The following NFE2L1 variants were observed in gnomAD, a reference collection of about 807,000 sequenced individuals.
NFE2L1 encodes the protein endoplasmic reticulum membrane sensor NFE2L1.
In NFE2L1, 18 loss-of-function variants were observed where a neutral mutation model predicts 61.6. The ratio of observed to expected loss-of-function variants is 0.29; its 90% CI spans 0.20 to 0.43. The LOEUF is 0.43. NFE2L1 is among the 20% of genes least tolerant of loss of function. The probability of loss-of-function intolerance (pLI) is 1.00; values close to 1 mark genes in which losing one functional copy is unlikely to be tolerated. For missense variants in NFE2L1, 827 were observed against 973.5 expected (o/e 0.85, Z 2.00); for synonymous variants, 419 against 402.7 (o/e 1.04, Z -0.48).
chr17:48,056,945 C>T (rs2037417220), intron 3 of NFE2L1, 87 bp from the exon 4 acceptor site: 10 of 1,353,300 alleles, frequency 7.4e-6, no homozygotes, highest in Middle Eastern at 3.7e-4. Context: ...AGGGAGACTG[C>T]AGGGCTTCAG....
rs1244683478 is a variant in NFE2L1, at chr17:48,056,575, A to T, written c.700A>T (p.Thr234Ser). Reference sequence around the variant, plus strand: ...ACGGAACCTGCTAGTGGATGGAGAGACTGGGGAGAGCTTCCCTGCACAGGT... The same window carrying T: ...ACGGAACCTGCTAGTGGATGGAGAGTCTGGGGAGAGCTTCCCTGCACAGGT... ...LARNLLVDGE[T>S]GESFPAQVPS... The change falls in exon 3 of 6, where the codon ACT becomes TCT. Residue 234 changes from threonine (T) to serine (S), a missense_variant. Transcript: ENST00000362042. 4 of 1,613,154 alleles carry T rather than the reference A, an allele frequency of 2.5e-6. No homozygotes were observed. Among genetic ancestry groups the T allele is most frequent in the Admixed American group, 3.3e-5 (2 of 59,980 alleles).
At chr17:48,054,872 G>T in intron 2 of NFE2L1, 1 of 1,354,544 alleles carries the variant, frequency 7.4e-7, no homozygotes, top group East Asian at 3.1e-5. Context: ...CCAGGCAGCA[G>T]CACGGGCGGG....
rs2037474562 is a variant in NFE2L1 at position 48,058,860 on chromosome 17, C to T, written c.1538C>T (p.Ser513Phe). ...SSSSSSSASS[S>F]ASSSFSEEGA... Reference sequence around the variant, plus strand: ...TCCTCTTCTTCCTCTGCTTCTTCCTCTGCCTCTTCCTCCTTTTCTGAGGAA... The same window carrying T: ...TCCTCTTCTTCCTCTGCTTCTTCCTTTGCCTCTTCCTCCTTTTCTGAGGAA... The change falls in exon 6 of 6, where the codon TCT becomes TTT. Residue 513 changes from serine to phenylalanine, a missense_variant. By Grantham distance (155) the Ser-to-Phe change is radical. This residue lies in a region of NFE2L1 where 667 missense variants were observed against 748.4 expected (regional missense o/e 0.89). Transcript: ENST00000362042. 6.2e-7 allele frequency: 1 copy of T among 1,613,812 alleles called. No individual in the cohort carries two copies. Among genetic ancestry groups the T allele is most frequent in the Non-Finnish European group, 8.5e-7 (1 of 1,180,026 alleles).
intron 3 of NFE2L1, 31 bp from the exon 4 acceptor site, chr17:48,057,001 T>G: frequency 6.2e-7 from 1 of 1,611,276 alleles, no homozygotes; most frequent in East Asian, 2.2e-5. Flanking sequence ...AAGGCCCAGG[T>G]CAATCAGACT....
intron 2 of NFE2L1, among the ~76,000 whole-genome samples, chr17:48,055,639 G>A (rs2037382763): frequency 1.3e-5 from 2 of 152,018 alleles, no homozygotes; most frequent in African/African-American, 4.8e-5. Context: ...CAGGGGGTGG[G>A]GTGCACCCCT....
chr17:48,052,267 A>G (rs1240479307), intron 2 of NFE2L1, among the ~76,000 whole-genome samples: 1 of 152,250 alleles, frequency 6.6e-6, no homozygotes, highest in Non-Finnish European at 1.5e-5. Flanking sequence ...TTGAGCTGTC[A>G]GAAGAGATCC....
chr17:48,058,546 C>T lies in NFE2L1; in HGVS notation c.1224C>T (p.Phe408=), dbSNP rs761473602. 6.8e-6 allele frequency: 11 copies of T among 1,613,500 alleles called. No individual in the cohort carries two copies. Among genetic ancestry groups the T allele is most frequent in the African/African-American group, 1.3e-5 (1 of 75,056 alleles). The change falls in exon 6 of 6, where the codon TTC becomes TTT. Residue 408 remains phenylalanine (F), a synonymous_variant. Transcript: ENST00000362042. ...ATTCTACCAGCCTCAACTCCACCTT[C>T]GGCTCCACCAACCTGACAGGGCTCT... The part of the protein sequence containing the change: ...PSNSTSLNST[F]GSTNLTGLFF...
Position 48,051,534 on chromosome 17 carries a change from G to A in NFE2L1, c.416G>A (p.Gly139Glu), listed in dbSNP as rs748499307. 2 of 1,614,236 alleles carry A rather than the reference G, an allele frequency of 1.2e-6. No homozygotes were observed. Among genetic ancestry groups the A allele is most frequent in the South Asian group, 1.1e-5 (1 of 91,086 alleles). The change falls in exon 2 of 6, where the codon GGG becomes GAG. Residue 139 changes from glycine (G) to glutamate (E), a missense_variant. Physicochemically the swap from Gly to Glu is moderately conservative, Grantham distance 98 (BLOSUM62 -2). Transcript: ENST00000362042. ...GLQDVTGPDN[G>E]VRESETEQGF... ...CAAGATGTGACAGGCCCAGACAACGGGGTGCGAGAAAGCGAAACGGAGCAG... is the reference window on the plus strand; with the variant it reads ...CAAGATGTGACAGGCCCAGACAACGAGGTGCGAGAAAGCGAAACGGAGCAG...
chr17:48,057,557 G>T, intron 5 of NFE2L1, 55 bp downstream of exon 5: 1 of 1,556,074 alleles, frequency 6.4e-7, no homozygotes, highest in Admixed American at 1.9e-5. Flanking sequence ...GATTGTCTTA[G>T]CACTCAGTTG....
intron 1 of NFE2L1, among the ~76,000 whole-genome samples, chr17:48,049,426 CTT>C (rs1482646693): frequency 1.3e-5 from 2 of 151,690 alleles, no homozygotes; most frequent in Non-Finnish European, 2.9e-5. Flanking sequence ...GAGTTTTGCT[CTT>C]GTTGCCCAGG....
intron 2 of NFE2L1, chr17:48,055,203 G>A (rs566477926): frequency 1.0e-6 from 1 of 1,004,658 alleles, no homozygotes; most frequent in Non-Finnish European, 1.2e-6. Flanking sequence ...CTTAGGGTCA[G>A]GGGGGGTTAA....
In NFE2L1 at chr17:48,058,512, C is replaced by G; in HGVS notation, c.1190C>G (p.Ala397Gly). 1 of 1,612,898 alleles carries G rather than the reference C, an allele frequency of 6.2e-7. No homozygotes were observed. Among genetic ancestry groups the G allele is most frequent in the Non-Finnish European group, 8.5e-7 (1 of 1,179,280 alleles). ...VASSSTLLPL[A>G]PSNSTSLNST... is the part of the protein sequence containing the mutation. ...AGTAGCTCCACGCTGCTCCCGTTGG[C>G]CCCCAGCAATTCTACCAGCCTCAAC... The change falls in exon 6 of 6, where the codon GCC becomes GGC. Residue 397 changes from alanine to glycine, a missense_variant. Physicochemically the swap from Ala to Gly is moderately conservative, Grantham distance 60. Coordinates refer to ENST00000362042, the MANE Select transcript of NFE2L1 (RefSeq NM_003204.3).
Position 48,058,718 on chromosome 17 carries a change from G to A in NFE2L1, c.1396G>A (p.Ala466Thr), listed in dbSNP as rs1333836923. The A allele has an allele frequency of 6.2e-7, 1 of 1,614,158 alleles. No individual in the cohort carries two copies. Among genetic ancestry groups the A allele is most frequent in the East Asian group, 2.2e-5 (1 of 44,866 alleles). The change falls in exon 6 of 6, where the codon GCC (alanine) becomes ACC (threonine). Residue 466 changes from alanine to threonine, a missense_variant. Coordinates refer to ENST00000362042, the MANE Select transcript of NFE2L1 (RefSeq NM_003204.3). ...TGAAGAAGGCTTTAACCCTGTGCAG[G>A]CCTCCCAGCTGGAGGAGGAATTTGA... ...AIEEGFNPVQ[A>T]SQLEEEFDSD...
At position 48,051,603 on chromosome 17, in the gene NFE2L1, C is replaced by T. The variant is rs2037253470; in HGVS notation, c.485C>T (p.Pro162Leu). Residue 162 changes from proline to leucine, a missense_variant, in exon 2 of 6, where the codon CCA becomes CTA. Physicochemically the swap from Pro to Leu is moderately conservative, Grantham distance 98. Transcript: ENST00000362042. ...GAGGATTTGGGGGCTGTAGCCCCCC[C>T]AGTCAGTGGAGACTTAACCAAAGAG... ...DLEDLGAVAP[P>L]VSGDLTKEDI... The T allele has an allele frequency of 6.2e-7, 1 of 1,613,678 alleles. No homozygotes were observed. The highest frequency in any genetic ancestry group is 8.5e-7 in the Non-Finnish European group (1 of 1,179,790).
In NFE2L1 at chr17:48,059,756, C is replaced by A; in HGVS notation, c.*115C>A. On this transcript the variant is annotated 3_prime_UTR_variant, in exon 6 of 6. Coordinates refer to ENST00000362042, the MANE Select transcript of NFE2L1 (RefSeq NM_003204.3). This position sits in a 1 kb window ranked among gnomAD's most constrained non-coding sequence, Gnocchi z 6.1. Reference sequence around the variant, plus strand: ...TTAAATGCCTTCTTATCCAATATATCTTCTCAGATGGGATGACTGCGGGTC... The same window carrying A: ...TTAAATGCCTTCTTATCCAATATATATTCTCAGATGGGATGACTGCGGGTC... 1 of 1,395,480 alleles carries A rather than the reference C, an allele frequency of 7.2e-7. No homozygotes were observed. The highest frequency in any genetic ancestry group is 9.4e-7 in the Non-Finnish European group (1 of 1,060,172). The allele number at this position is 1,395,480 out of a possible 1,614,324, so 86.4% of individuals were successfully genotyped here. A position where few individuals can be genotyped will look rare whatever the true frequency, so the allele number is the denominator to read the frequency against.
chr17:48,054,947 AAGCCAAG>A (rs2037356216), intron 2 of NFE2L1: 1 of 1,445,822 alleles, frequency 6.9e-7, no homozygotes, highest in Admixed American at 2.5e-5. Context: ...TGCTCCCTGA[AAGCCAAG>A]AGCTCCTTGC....
intron 3 of NFE2L1, 39 bp downstream of exon 3, chr17:48,056,637 C>A (rs538421091): frequency 6.2e-7 from 1 of 1,602,482 alleles, no homozygotes; most frequent in South Asian, 1.1e-5. Flanking sequence ...CTTCTTGTCC[C>A]TACTACCCTG....
intron 2 of NFE2L1, among the ~76,000 whole-genome samples, chr17:48,054,133 T>C (rs1212437550): frequency 2.0e-5 from 3 of 152,206 alleles, no homozygotes; most frequent in African/African-American, 7.2e-5. Context: ...GGGATAACTC[T>C]TTCCACTTCC....
rs753382030 is a variant in NFE2L1, at chr17:48,058,573, C to T, written c.1251C>T (p.Phe417=). Reference sequence around the variant, plus strand: ...GCTCCACCAACCTGACAGGGCTCTTCTTTCCACCCCAGCTCAATGGCACAG... The same window carrying T: ...GCTCCACCAACCTGACAGGGCTCTTTTTTCCACCCCAGCTCAATGGCACAG... The part of the protein sequence containing the change: ...TFGSTNLTGL[F]FPPQLNGTAN... Residue 417 remains phenylalanine, a synonymous_variant, in exon 6 of 6, where the codon TTC becomes TTT. Transcript: ENST00000362042. 1.2e-6 allele frequency: 2 copies of T among 1,613,768 alleles called. No homozygotes were observed. The highest frequency in any genetic ancestry group is 1.7e-6 in the Non-Finnish European group (2 of 1,179,736).
Sources: allele counts gnomAD v4.1 joint callset (sites outside exome capture counted in the v4.1 genomes callset), GRCh38; gene constraint gnomAD v4.1.1; regional missense constraint gnomAD v4.1.1; non-coding constraint Gnocchi (gnomAD v3.1); transcripts MANE v1.5; gene names NCBI Gene and HGNC (gene_info 2026-07-23, HGNC 2026-07-21).